Variants in PTPRN2 observed in about 807,000 individuals in gnomAD.
PTPRN2 encodes the protein receptor-type tyrosine-protein phosphatase N2.
PTPRN2 carries 74 observed loss-of-function variants against 118.8 expected under a neutral mutation model. The ratio of observed to expected loss-of-function variants is 0.62; its 90% confidence interval spans 0.52 to 0.76. The LOEUF is 0.76. PTPRN2 is among the 30% of genes least tolerant of loss of function. The pLI is 0.00. For missense variants in PTPRN2, 1,481 were observed against 1,394.4 expected, an observed-to-expected ratio of 1.06 and a Z score of -0.99; for synonymous variants, 641 against 608.0, an observed-to-expected ratio of 1.05 and a Z score of -0.80.
In PTPRN2 at chr7:157,622,627, C is replaced by A. The variant is rs974021246; in HGVS notation, c.2197-1118G>T. On this transcript the variant is annotated intron_variant, in intron 14 of 22. Transcript: ENST00000389418. The surrounding 1 kb of genome is among the most constrained non-coding windows in gnomAD (Gnocchi z 5.3). ...CCTGAACCCATGCAGCAAACACACA[C>A]CCTGCTGTGCTGGCCCAGCTCACAC... is the stretch of plus-strand genomic sequence containing the variant. Among the ~76,000 whole-genome samples the A allele has an allele frequency of 3.9e-4, 59 of 152,360 alleles. No homozygotes were observed. The highest frequency in any genetic ancestry group is 1.4e-3 in the African/African-American group (57 of 41,586).
rs1329089905 is a variant in PTPRN2 at position 158,071,367 on chromosome 7, ATGGTGGTGGAGGTGCTCG to A, written c.1723+9913_1723+9930del. On this transcript the variant is annotated intron_variant, in intron 11 of 22. Transcript: ENST00000389418. ...GGTGCTCGTGGTGGTGGAGGTGCTC[ATGGTGGTGGAGGTGCTCG>A]TGGTGGAGGTGCTCGTGGTGGAGTT... Among the ~76,000 whole-genome samples the A allele has an allele frequency of 1.3e-3, 53 of 40,650 alleles. 4 individuals are homozygous for A. Among genetic ancestry groups the A allele is most frequent in the Admixed American group, 3.5e-3 (13 of 3,666 alleles). The allele number at this position is 40,650 out of a possible 152,430, so 26.7% of individuals were successfully genotyped here. A position where few individuals can be genotyped will look rare whatever the true frequency, so the allele number is the denominator to read the frequency against.
At position 157,627,237 on chromosome 7, in the gene PTPRN2, G is replaced by T. The variant is rs1803643279; in HGVS notation, c.2197-5728C>A. Among the ~76,000 whole-genome samples the T allele has an allele frequency of 6.6e-6, 1 of 152,214 alleles. No individual in the cohort carries two copies. The highest frequency in any genetic ancestry group is 1.5e-5 in the Non-Finnish European group (1 of 68,044). On this transcript the variant is annotated intron_variant, in intron 14 of 22. Coordinates refer to ENST00000389418, the MANE Select transcript of PTPRN2 (RefSeq NM_002847.5). This position sits in a 1 kb window ranked among gnomAD's most constrained non-coding sequence, Gnocchi z 4.2. ...GGTCAGGGACCCCTTCTCACACCGT[G>T]TCCCACTTCACACAGCTCCTTGCTC...
At chr7:158,317,398 G>A (rs1279294031) in intron 2 of PTPRN2, among the ~76,000 whole-genome samples, 1 of 152,254 alleles carries the variant, frequency 6.6e-6, no homozygotes, top group Non-Finnish European at 1.5e-5. Flanking sequence ...GGCTGCGTGG[G>A]AGGCAAGCAC....
intron 11 of PTPRN2, among the ~76,000 whole-genome samples, chr7:158,044,606 C>T (rs544261192): frequency 6.6e-6 from 1 of 152,088 alleles, no homozygotes; most frequent in Non-Finnish European, 1.5e-5. Context: ...GACTCTGCTG[C>T]AACCAAACTC....
chr7:158,180,145 G>T (rs140178838), intron 5 of PTPRN2, among the ~76,000 whole-genome samples: 119 of 152,312 alleles, frequency 7.8e-4, no homozygotes, highest in African/African-American at 2.6e-3. Context: ...CCCACTTTGG[G>T]GCTCCTTACC....
chr7:158,472,789 G>A (rs1819960460), intron 2 of PTPRN2, among the ~76,000 whole-genome samples: 1 of 152,162 alleles, frequency 6.6e-6, no homozygotes, highest in Admixed American at 6.5e-5. Context: ...TGCATGCAAG[G>A]GCCCGAGAGC....
In PTPRN2 at chr7:157,964,436, C is replaced by CA. The variant is rs572792151; in HGVS notation, c.1724-65700dup. On this transcript the variant is annotated intron_variant, in intron 11 of 22. Transcript: ENST00000389418. This position sits in a 1 kb window ranked among gnomAD's most constrained non-coding sequence, Gnocchi z 9.0. ...CCCTAACATTCCAGTTTTGTGCTAC[C>CA]AAAAAAAAAAAAATCACCTGAATGA... Among the ~76,000 whole-genome samples the CA allele has an allele frequency of 0.021, 2,909 of 140,150 alleles. 72 individuals are homozygous for CA. The highest frequency in any genetic ancestry group is 0.063 in the African/African-American group (2,431 of 38,298). 91.9% of individuals were successfully genotyped at this position (140,150 alleles called of 152,430 possible). A position where few individuals can be genotyped will look rare whatever the true frequency, so the allele number is the denominator to read the frequency against.
chr7:158,280,029 G>A (rs369958545), intron 3 of PTPRN2, among the ~76,000 whole-genome samples: 25 of 114,450 alleles, frequency 2.2e-4, no homozygotes, highest in African/African-American at 6.9e-4. Flanking sequence ...ACAGAGCCCC[G>A]CGGCGGCCCC....
At position 158,509,507 on chromosome 7, in the gene PTPRN2, C is replaced by A. The variant is rs765125889; in HGVS notation, c.113-19722G>T. On this transcript the variant is annotated intron_variant, in intron 1 of 22. Transcript: ENST00000389418. The surrounding 1 kb of genome is among the most constrained non-coding windows in gnomAD (Gnocchi z 4.4). Reference sequence around the variant, plus strand: ...GGGACTTGGTGTCCAGTCCTCATCTCTTCTTTCTAGAAACCCAAGTTAAAG... The same window carrying A: ...GGGACTTGGTGTCCAGTCCTCATCTATTCTTTCTAGAAACCCAAGTTAAAG... 2.0e-5 allele frequency among the ~76,000 whole-genome samples: 3 copies of A among 152,254 alleles called. No homozygotes were observed. The highest frequency in any genetic ancestry group is 4.4e-5 in the Non-Finnish European group (3 of 68,044).
chr7:158,274,581 C>T (rs1181127508), intron 3 of PTPRN2, among the ~76,000 whole-genome samples: 2 of 151,632 alleles, frequency 1.3e-5, no homozygotes, highest in South Asian at 2.1e-4. Context: ...CGTGTGTGGA[C>T]GAGCCCGAGG....
intron 12 of PTPRN2, among the ~76,000 whole-genome samples, chr7:157,745,574 T>C (rs1428829456): frequency 6.6e-6 from 1 of 152,024 alleles, no homozygotes; most frequent in Non-Finnish European, 1.5e-5. Context: ...TGCACCTCAG[T>C]CCTGATATTT....
At chr7:158,320,036 C>A (rs545229030) in intron 2 of PTPRN2, among the ~76,000 whole-genome samples, 14 of 86,826 alleles carry the variant, frequency 1.6e-4, no homozygotes, top group Admixed American at 6.4e-4. Flanking sequence ...CACACAGCCT[C>A]CCTCACACAC....
chr7:157,616,297 C>T (rs1031984490), intron 15 of PTPRN2: 3 of 152,344 alleles, frequency 2.0e-5, no homozygotes, highest in African/African-American at 7.2e-5. Flanking sequence ...TCCTGACAAC[C>T]CCACCGGCAC....
At chr7:157,765,526 A>C (rs376100495) in intron 12 of PTPRN2, among the ~76,000 whole-genome samples, 2 of 130,198 alleles carry the variant, frequency 1.5e-5, no homozygotes, top group African/African-American at 6.1e-5. Context: ...CCATTCACCC[A>C]CCCATCCATC....
At chr7:157,943,374 A>T (rs761204026) in intron 11 of PTPRN2, among the ~76,000 whole-genome samples, 4 of 152,078 alleles carry the variant, frequency 2.6e-5, no homozygotes, top group Non-Finnish European at 4.4e-5. Context: ...GCCGACTTAG[A>T]CAAAGGCTAC....
chr7:157,906,456 G>C (rs1416068320), intron 11 of PTPRN2, among the ~76,000 whole-genome samples: 1 of 152,212 alleles, frequency 6.6e-6, no homozygotes, highest in Non-Finnish European at 1.5e-5. Context: ...GTCGTTTTCT[G>C]AAAAGAACTC....
In PTPRN2 at chr7:158,417,760, T is replaced by TCG. The variant is rs1563268340; in HGVS notation, c.163+71974_163+71975insCG. On this transcript the variant is annotated intron_variant, in intron 2 of 22. Coordinates refer to ENST00000389418, the MANE Select transcript of PTPRN2 (RefSeq NM_002847.5). ...CGGTGTACTACATCGAGATGCTCTCTCAGTGTCCCGCTGTGTTAAGTCACG... is the reference window on the plus strand; with the variant it reads ...CGGTGTACTACATCGAGATGCTCTCTCGCAGTGTCCCGCTGTGTTAAGTCACG... Among the ~76,000 whole-genome samples the TCG allele has an allele frequency of 1.2e-4, 3 of 25,802 alleles. 1 individual carries two copies. Among genetic ancestry groups the TCG allele is most frequent in the Non-Finnish European group, 2.2e-4 (3 of 13,812 alleles). 16.9% of individuals were successfully genotyped at this position (25,802 alleles called of 152,430 possible).
chr7:158,269,897 CAG>C (rs2150956637), intron 3 of PTPRN2, among the ~76,000 whole-genome samples: 1 of 125,440 alleles, frequency 8.0e-6, no homozygotes, highest in East Asian at 3.3e-4. Flanking sequence ...GACAGAGAGA[CAG>C]AGACATAGAG....
rs556642628 is a variant in PTPRN2, at chr7:158,245,982, G to T, written c.278-40709C>A. On this transcript the variant is annotated intron_variant, in intron 3 of 22. Coordinates refer to ENST00000389418, the MANE Select transcript of PTPRN2 (RefSeq NM_002847.5). Reference sequence around the variant, plus strand: ...TTTCAGTCACTGAGACACAAATCAGGGCCTGGTTGGCAGCAGCGAGACCGT... The same window carrying T: ...TTTCAGTCACTGAGACACAAATCAGTGCCTGGTTGGCAGCAGCGAGACCGT... 2.6e-5 allele frequency among the ~76,000 whole-genome samples: 4 copies of T among 152,016 alleles called. No homozygotes were observed. The South Asian group carries it at 6.2e-4, about 24-fold the overall frequency.
Sources: gnomAD v4.1 joint callset for allele counts (sites outside exome capture counted in the v4.1 genomes callset) on GRCh38, gnomAD v4.1.1 for gene constraint, Gnocchi (gnomAD v3.1) non-coding constraint, MANE v1.5 for transcripts, NCBI Gene and HGNC (gene_info 2026-07-23, HGNC 2026-07-21) for gene names.